The following NCOA1 variants were observed in gnomAD, a reference collection of about 807,000 sequenced individuals.
NCOA1 encodes nuclear receptor coactivator 1, also known as Hin-2 protein.
A neutral mutation model predicts 150.9 loss-of-function variants in NCOA1; 35 were observed. The observed-to-expected ratio is 0.23, with a 90% CI of 0.18 to 0.31. The LOEUF is 0.31. NCOA1 is among the 10% of genes least tolerant of loss of function. NCOA1 has a pLI of 1.00. For missense variants in NCOA1, 1,491 were observed against 1,749.3 expected, an observed-to-expected ratio of 0.85 and a Z score of 2.63; for synonymous variants, 590 against 630.0, an observed-to-expected ratio of 0.94 and a Z score of 0.95.
intron 3 of NCOA1, among the ~76,000 whole-genome samples, chr2:24,598,521 A>G (rs1379846542): frequency 6.6e-6 from 1 of 152,186 alleles, no homozygotes; most frequent in East Asian, 1.9e-4. Flanking sequence ...TTTGATAAAA[A>G]TTTGAAGAAA....
At chr2:24,592,409 C>G (rs527619990) in intron 3 of NCOA1, among the ~76,000 whole-genome samples, 1 of 152,098 alleles carries the variant, frequency 6.6e-6, no homozygotes, top group South Asian at 2.1e-4. Context: ...AAAATGATCC[C>G]TTGAGGTGCT....
At position 24,615,913 on chromosome 2, in the gene NCOA1, A is replaced by G. The variant is rs75012690; in HGVS notation, c.-174-28053A>G. 1.0e-3 allele frequency among the ~76,000 whole-genome samples: 155 copies of G among 152,320 alleles called. 3 individuals are homozygous for G. The East Asian group carries it at 0.028, about 27-fold the overall frequency. ...TCATTACTACAAAGGTGTTCCATTC[A>G]TCCAACATTTATGAAAAGATCAGGG... On this transcript the variant is annotated intron_variant, in intron 3 of 22. Transcript: ENST00000348332.
chr2:24,599,800 G>A (rs912572919), intron 3 of NCOA1, among the ~76,000 whole-genome samples: 1 of 145,482 alleles, frequency 6.9e-6, no homozygotes, highest in Non-Finnish European at 1.5e-5. Flanking sequence ...ACATGACCTT[G>A]GCTCACTGCA....
intron 7 of NCOA1, among the ~76,000 whole-genome samples, chr2:24,679,370 T>C (rs1188263544): frequency 8.5e-5 from 13 of 152,188 alleles, no homozygotes; most frequent in Non-Finnish European, 1.5e-5. Context: ...TAACCAGATA[T>C]ACTTTTAGAA....
intron 20 of NCOA1, among the ~76,000 whole-genome samples, chr2:24,754,302 C>T (rs1195164675): frequency 6.6e-6 from 1 of 152,122 alleles, no homozygotes; most frequent in Non-Finnish European, 1.5e-5. Context: ...CAGTAGCTCC[C>T]CATCTTACTC....
At chr2:24,671,960 A>G (rs1671704042) in intron 6 of NCOA1, among the ~76,000 whole-genome samples, 1 of 152,212 alleles carries the variant, frequency 6.6e-6, no homozygotes, top group African/African-American at 2.4e-5. Context: ...TTTAGGGAAT[A>G]ATGATGAAAA....
intron 3 of NCOA1, among the ~76,000 whole-genome samples, chr2:24,620,502 G>T (rs1330040109): frequency 6.6e-6 from 1 of 152,176 alleles, no homozygotes; most frequent in Non-Finnish European, 1.5e-5. Flanking sequence ...TACTTGGGAA[G>T]GCTGAGGCAG....
chr2:24,688,829 G>T (rs1403326091), intron 8 of NCOA1, among the ~76,000 whole-genome samples: 5 of 152,158 alleles, frequency 3.3e-5, no homozygotes, highest in Non-Finnish European at 7.4e-5. Context: ...CCATTCCTAT[G>T]TCCAGAGTGG....
intron 11 of NCOA1, among the ~76,000 whole-genome samples, chr2:24,703,534 T>C (rs564762568): frequency 3.9e-5 from 6 of 152,370 alleles, no homozygotes; most frequent in Admixed American, 3.9e-4. Flanking sequence ...GAATTTTTCC[T>C]AGTTTAGATA....
chr2:24,762,877 T>C (rs534154096), intron 22 of NCOA1, 101 bp downstream of exon 22: 2 of 994,536 alleles, frequency 2.0e-6, no homozygotes, highest in Non-Finnish European at 3.1e-6. Context: ...GAGTCAGACC[T>C]GGGTGTGAGT....
At position 24,693,314 on chromosome 2, in the gene NCOA1, G is replaced by A. The variant is rs1672758049; in HGVS notation, c.775G>A (p.Val259Ile). 1.2e-6 allele frequency: 2 copies of A among 1,614,190 alleles called. No individual in the cohort carries two copies. Among genetic ancestry groups the A allele is most frequent in the Non-Finnish European group, 1.7e-6 (2 of 1,180,022 alleles). ...RLPRPPAITG[V>I]ESFMTKQDTT... ...ACCTCGGCCTCCAGCTATTACGGGT[G>A]TAGAATCCTTTATGACCAAGCAAGA... The change falls in exon 10 of 23, where the codon GTA (valine) becomes ATA (isoleucine). Residue 259 changes from valine to isoleucine, a missense_variant. Physicochemically the swap from Val to Ile is conservative, Grantham distance 29. Transcript: ENST00000348332.
At chr2:24,576,170 G>GTTTT (rs869093026) in intron 2 of NCOA1, among the ~76,000 whole-genome samples, 3 of 46,328 alleles carry the variant, frequency 6.5e-5, no homozygotes, top group African/African-American at 1.9e-4. Context: ...TTTGTTTTTT[G>GTTTT]TTTTTTTTTT....
At chr2:24,616,950 G>A (rs1668896900) in intron 3 of NCOA1, among the ~76,000 whole-genome samples, 1 of 152,172 alleles carries the variant, frequency 6.6e-6, no homozygotes, top group Non-Finnish European at 1.5e-5. Flanking sequence ...GGTCGAAATT[G>A]TGAACATAGA....
At chr2:24,676,731 C>T (rs376521394) in intron 7 of NCOA1, among the ~76,000 whole-genome samples, 3 of 152,112 alleles carry the variant, frequency 2.0e-5, no homozygotes, top group African/African-American at 7.2e-5. Context: ...CTTAGGAATC[C>T]AGTAAAATGA....
chr2:24,710,386 C>G (rs1558306455), intron 13 of NCOA1, among the ~76,000 whole-genome samples: 1 of 152,146 alleles, frequency 6.6e-6, no homozygotes, highest in Non-Finnish European at 1.5e-5. Context: ...GCCATGGCAC[C>G]CGGCCTCCCT....
chr2:24,664,830 A>T (rs543240801), intron 5 of NCOA1, among the ~76,000 whole-genome samples: 1 of 152,310 alleles, frequency 6.6e-6, no homozygotes, highest in South Asian at 2.1e-4. Context: ...ATGTAGCCAA[A>T]TGATTTTGAT....
At chr2:24,758,271 A>C in intron 21 of NCOA1, 115 bp downstream of exon 21, 1 of 1,022,222 alleles carries the variant, frequency 9.8e-7, no homozygotes. Context: ...ATTCTTTCCC[A>C]CTAACTTTTA....
chr2:24,623,119 C>G (rs564861565), intron 3 of NCOA1, among the ~76,000 whole-genome samples: 24 of 152,152 alleles, frequency 1.6e-4, no homozygotes, highest in Non-Finnish European at 2.9e-4. Flanking sequence ...TGGAATATGT[C>G]TGAAAGGTCA....
chr2:24,578,857 C>T (rs1172848144), intron 2 of NCOA1, among the ~76,000 whole-genome samples: 2 of 152,094 alleles, frequency 1.3e-5, no homozygotes, highest in East Asian at 3.8e-4. Flanking sequence ...ATAGTAAAAG[C>T]TGAAGACAAC....
Sources: gnomAD v4.1 joint callset for allele counts (sites outside exome capture counted in the v4.1 genomes callset) on GRCh38, gnomAD v4.1.1 for gene constraint, MANE v1.5 for transcripts, NCBI Gene and HGNC (gene_info 2026-07-23, HGNC 2026-07-21) for gene names.